The following PTPRR variants were observed in gnomAD, a reference collection of about 807,000 sequenced individuals.
The protein encoded by PTPRR is protein tyrosine phosphatase receptor type R.
A neutral mutation model predicts 77.2 loss-of-function variants in PTPRR; 38 were observed. That is an observed-to-expected ratio of 0.49 (90% CI 0.38 to 0.65). The LOEUF is 0.65. PTPRR is among the 30% of genes least tolerant of loss of function. PTPRR has a pLI of 0.00. For synonymous variants in PTPRR, 299 were observed against 283.1 expected (o/e 1.06, Z -0.57); for missense variants, 744 against 799.2 (o/e 0.93, Z 0.83).
intron 2 of PTPRR, among the ~76,000 whole-genome samples, chr12:70,782,360 TATC>T (rs1281397075): frequency 6.6e-6 from 1 of 152,090 alleles, no homozygotes; most frequent in Non-Finnish European, 1.5e-5. Context: ...AAGGATTAAA[TATC>T]ATGCTGCTAT....
intron 2 of PTPRR, among the ~76,000 whole-genome samples, chr12:70,877,925 C>G (rs562155227): frequency 0.028 from 4,231 of 151,944 alleles, 102 homozygotes; most frequent in Non-Finnish European, 0.044. Context: ...GAACAGAACA[C>G]AGCCCTAAGA....
At chr12:70,837,028 A>G (rs992148632) in intron 2 of PTPRR, among the ~76,000 whole-genome samples, 3 of 152,118 alleles carry the variant, frequency 2.0e-5, no homozygotes, top group African/African-American at 7.2e-5. Flanking sequence ...AGGTATATAA[A>G]TGTATAAAGC....
At position 70,894,978 on chromosome 12, in the gene PTPRR, A is replaced by G. The variant is rs951347661; in HGVS notation, c.59-2001T>C. On this transcript the variant is annotated intron_variant, in intron 1 of 13. Transcript: ENST00000283228. ...ACATAAAATATAATTCAAGTGGTCC[A>G]AAAAGATAAAGCTACTGGTAACAGA... Among the ~76,000 whole-genome samples, 20 of 151,716 alleles carry G rather than the reference A, an allele frequency of 1.3e-4. No homozygotes were observed. The Admixed American group carries it at 1.3e-3, about 10-fold the overall frequency.
At chr12:70,857,976 A>T (rs1180257527) in intron 2 of PTPRR, among the ~76,000 whole-genome samples, 1 of 152,022 alleles carries the variant, frequency 6.6e-6, no homozygotes, top group Non-Finnish European at 1.5e-5. Flanking sequence ...GTTGCTGATG[A>T]TCTCCAGCTG....
chr12:70,845,273 A>T (rs531975877), intron 2 of PTPRR, among the ~76,000 whole-genome samples: 3 of 152,276 alleles, frequency 2.0e-5, no homozygotes, highest in Admixed American at 1.3e-4. Flanking sequence ...AGAGAAAGTC[A>T]TAAGTATAAA....
chr12:70,641,880 CT>C (rs1886016720), intron 13 of PTPRR, among the ~76,000 whole-genome samples: 1 of 152,202 alleles, frequency 6.6e-6, no homozygotes. Context: ...CACACAACAG[CT>C]CTCCAAAGGC....
intron 2 of PTPRR, among the ~76,000 whole-genome samples, chr12:70,847,906 TCATAAA>T (rs1892511348): frequency 6.6e-6 from 1 of 152,232 alleles, no homozygotes; most frequent in Admixed American, 6.5e-5. Context: ...GTGTTACTTT[TCATAAA>T]CATAATGATT....
At chr12:70,872,064 A>AT (rs956789063) in intron 2 of PTPRR, among the ~76,000 whole-genome samples, 8 of 152,130 alleles carry the variant, frequency 5.3e-5, no homozygotes, top group African/African-American at 1.9e-4. Context: ...TCTTAGCTCT[A>AT]TTTTTTTCTT....
chr12:70,707,512 G>A (rs1352657204), intron 6 of PTPRR, among the ~76,000 whole-genome samples: 4 of 152,002 alleles, frequency 2.6e-5, no homozygotes, highest in African/African-American at 7.2e-5. Flanking sequence ...ATTGAGATGT[G>A]TCATAGTTAT....
intron 4 of PTPRR, among the ~76,000 whole-genome samples, chr12:70,760,033 T>C (rs1890657661): frequency 6.6e-6 from 1 of 152,136 alleles, no homozygotes. Flanking sequence ...CAAAACCAAA[T>C]GCAGGAAGAC....
intron 10 of PTPRR, among the ~76,000 whole-genome samples, chr12:70,669,755 T>C (rs1465798010): frequency 6.6e-6 from 1 of 151,986 alleles, no homozygotes; most frequent in Non-Finnish European, 1.5e-5. Context: ...ATCATGGCAA[T>C]GGCTAATTAA....
At chr12:70,807,889 G>A (rs751982922) in intron 2 of PTPRR, among the ~76,000 whole-genome samples, 29 of 152,106 alleles carry the variant, frequency 1.9e-4, no homozygotes, top group Non-Finnish European at 3.5e-4. Flanking sequence ...TCAAATCTGG[G>A]CACCTTAAGA....
At chr12:70,656,143 AG>A (rs1300006096) in intron 13 of PTPRR, among the ~76,000 whole-genome samples, 1 of 152,192 alleles carries the variant, frequency 6.6e-6, no homozygotes, top group African/African-American at 2.4e-5. Context: ...ACATGAGCCC[AG>A]GAAGTCTAGG....
chr12:70,812,447 G>T (rs2137031907), intron 2 of PTPRR, among the ~76,000 whole-genome samples: 1 of 152,262 alleles, frequency 6.6e-6, no homozygotes, highest in South Asian at 2.1e-4. Context: ...TTAAAGGAGG[G>T]AGAGAGAAAA....
At chr12:70,691,652 G>C (rs1434325644) in intron 8 of PTPRR, among the ~76,000 whole-genome samples, 7 of 152,118 alleles carry the variant, frequency 4.6e-5, no homozygotes, top group Admixed American at 4.6e-4. Flanking sequence ...ATGTGTTCCT[G>C]ACAGCTTTCT....
At chr12:70,862,941 A>G (rs1892779255) in intron 2 of PTPRR, among the ~76,000 whole-genome samples, 1 of 152,144 alleles carries the variant, frequency 6.6e-6, no homozygotes, top group African/African-American at 2.4e-5. Context: ...AAGCATGTCC[A>G]AGTTTACCAT....
intron 7 of PTPRR, among the ~76,000 whole-genome samples, chr12:70,698,592 G>C (rs2081501534): frequency 6.6e-6 from 1 of 152,142 alleles, no homozygotes; most frequent in South Asian, 2.1e-4. Flanking sequence ...TCAGTAAGGA[G>C]ACATATAACA....
intron 10 of PTPRR, among the ~76,000 whole-genome samples, chr12:70,673,820 C>A (rs972273013): frequency 3.3e-5 from 5 of 152,086 alleles, no homozygotes; most frequent in African/African-American, 1.2e-4. Flanking sequence ...TTATTTAAAT[C>A]TCTGCTTTAA....
At position 70,638,455 on chromosome 12, in the gene PTPRR, T is replaced by C. The variant is rs367596726; in HGVS notation, c.*729A>G. 6.5e-5 allele frequency: 10 copies of C among 152,698 alleles called. No individual in the cohort carries two copies. The highest frequency in any genetic ancestry group is 2.4e-4 in the African/African-American group (10 of 41,564). The allele number at this position is 152,698 out of a possible 1,614,324, so 9.5% of individuals were successfully genotyped here. A position where few individuals can be genotyped will look rare whatever the true frequency, so the allele number is the denominator to read the frequency against. ...AATGACTCACGATGTGGAAATACAG[T>C]GGATAGAGTTCTGGAGCAGAAGCCA... On this transcript the variant is annotated 3_prime_UTR_variant, in exon 14 of 14. Transcript: ENST00000283228.
Sources: gnomAD v4.1 joint callset for allele counts (sites outside exome capture counted in the v4.1 genomes callset) on GRCh38, gnomAD v4.1.1 for gene constraint, MANE v1.5 for transcripts, NCBI Gene and HGNC (gene_info 2026-07-23, HGNC 2026-07-21) for gene names.